SLC15A5: variants seen among roughly 807,000 people sequenced by gnomAD.
SLC15A5 encodes Peptide/histidine transporter ENSP00000340402.
A neutral mutation model predicts 56.1 loss-of-function variants in SLC15A5; 58 were observed. The ratio of observed to expected loss-of-function variants is 1.03; its 90% CI spans 0.84 to 1.29. SLC15A5 has a LOEUF of 1.29. SLC15A5 is among the 50% of genes most tolerant of loss of function. SLC15A5 has a pLI of 0.00. For missense variants in SLC15A5, 681 were observed against 672.1 expected (o/e 1.01, Z -0.15); for synonymous variants, 264 against 250.5 (o/e 1.05, Z -0.51).
chr12:16,214,405 C>G (rs1591644191), intron 7 of SLC15A5, among the ~76,000 whole-genome samples: 1 of 152,188 alleles, frequency 6.6e-6, no homozygotes, highest in South Asian at 2.1e-4. Context: ...TGGAGAGGGC[C>G]CATAGATAAT....
At chr12:16,263,761 G>A (rs563192840) in intron 2 of SLC15A5, among the ~76,000 whole-genome samples, 1 of 152,166 alleles carries the variant, frequency 6.6e-6, no homozygotes, top group Non-Finnish European at 1.5e-5. Flanking sequence ...AAGGGGCCAA[G>A]GTACAGCTCA....
chr12:16,206,446 A>G (rs1417857876), intron 7 of SLC15A5, among the ~76,000 whole-genome samples: 1 of 152,186 alleles, frequency 6.6e-6, no homozygotes, highest in Non-Finnish European at 1.5e-5. Context: ...GTTAATTTTT[A>G]AAACACATTA....
Position 16,271,943 on chromosome 12 carries a change from G to A in SLC15A5, c.584+618C>T, listed in dbSNP as rs1234723594. Among the ~76,000 whole-genome samples the A allele has an allele frequency of 6.6e-6, 1 of 152,100 alleles. No homozygotes were observed. Among genetic ancestry groups the A allele is most frequent in the African/African-American group, 2.4e-5 (1 of 41,420 alleles). ...TCTTTTAGGTGTTGGGAGCGAACTG[G>A]GTGAGAAACAGAGATGCTGGGTGAT... On this transcript the variant is annotated intron_variant, in intron 2 of 8. Coordinates refer to ENST00000344941, the MANE Select transcript of SLC15A5 (RefSeq NM_001170798.1). The surrounding 1 kb of genome is among the most constrained non-coding windows in gnomAD (Gnocchi z 8.0).
intron 3 of SLC15A5, 105 bp from the exon 4 acceptor site, chr12:16,244,905 G>C: frequency 8.0e-7 from 1 of 1,255,652 alleles, no homozygotes; most frequent in Non-Finnish European, 1.1e-6. Context: ...GCAGTGAAGT[G>C]AGAAAGTTTT....
rs143995306 is a variant in SLC15A5, at chr12:16,197,962, T to C, written c.1484-3509A>G. Reference sequence around the variant, plus strand: ...CTTGCAAAGGAGACATAGTGAAGACTTGAGGTCTAGAATGAGGCTAACTAA... The same window carrying C: ...CTTGCAAAGGAGACATAGTGAAGACCTGAGGTCTAGAATGAGGCTAACTAA... On this transcript the variant is annotated intron_variant, in intron 7 of 8. Coordinates refer to ENST00000344941, the MANE Select transcript of SLC15A5 (RefSeq NM_001170798.1). 2.2e-3 allele frequency among the ~76,000 whole-genome samples: 332 copies of C among 152,246 alleles called. 4 individuals carry two copies. Among genetic ancestry groups the C allele is most frequent in the African/African-American group, 7.8e-3 (323 of 41,566 alleles).
intron 2 of SLC15A5, among the ~76,000 whole-genome samples, chr12:16,259,024 C>CTTTTTTTTTTTT (rs5796661): frequency 9.5e-5 from 6 of 63,218 alleles, no homozygotes; most frequent in East Asian, 5.6e-4. Context: ...TCTTTCTTTC[C>CTTTTTTTTTTTT]TTTTTTTTTT....
chr12:16,212,527 C>CTT (rs10656927), intron 7 of SLC15A5, among the ~76,000 whole-genome samples: 28 of 152,176 alleles, frequency 1.8e-4, no homozygotes, highest in Non-Finnish European at 1.6e-4. Context: ...TCCAGAAAAA[C>CTT]GTGAAAAGTC....
chr12:16,263,928 T>A (rs538683035), intron 2 of SLC15A5, among the ~76,000 whole-genome samples: 36 of 152,326 alleles, frequency 2.4e-4, no homozygotes, highest in African/African-American at 8.4e-4. Flanking sequence ...AGAAGTTTGC[T>A]GCAGGGGCAG....
intron 1 of SLC15A5, among the ~76,000 whole-genome samples, chr12:16,276,850 T>C (rs1450250989): frequency 6.6e-6 from 1 of 152,046 alleles, no homozygotes; most frequent in African/African-American, 2.4e-5. Flanking sequence ...AATCATGCCA[T>C]CATATGCAAT....
chr12:16,215,602 TCA>T (rs113920708), intron 7 of SLC15A5, among the ~76,000 whole-genome samples: 1,938 of 152,304 alleles, frequency 0.013, 39 homozygotes, highest in African/African-American at 0.044. Context: ...TTGCTGCCGT[TCA>T]CACAGTTAGC....
chr12:16,226,595 A>G (rs1417299828), intron 5 of SLC15A5, among the ~76,000 whole-genome samples: 1 of 152,184 alleles, frequency 6.6e-6, no homozygotes, highest in East Asian at 1.9e-4. Context: ...TGATTTTCAC[A>G]GAGAAGGTAA....
At chr12:16,239,975 C>CT in intron 4 of SLC15A5, 108 bp from the exon 5 acceptor site, 1 of 998,872 alleles carries the variant, frequency 1.0e-6, no homozygotes, top group Non-Finnish European at 1.4e-6. Flanking sequence ...GATGGATGAG[C>CT]TGGATGTTGC....
chr12:16,193,822 A>AGG (rs1863864990), intron 8 of SLC15A5, among the ~76,000 whole-genome samples: 1 of 89,092 alleles, frequency 1.1e-5, no homozygotes, highest in Admixed American at 1.2e-4. Flanking sequence ...AGAGAGAGAG[A>AGG]GAGAGAGAGA....
intron 7 of SLC15A5, among the ~76,000 whole-genome samples, chr12:16,209,873 T>C (rs918365195): frequency 2.0e-5 from 3 of 152,166 alleles, no homozygotes; most frequent in Admixed American, 2.0e-4. Context: ...AAATTATTCT[T>C]TCTTCCCTCA....
chr12:16,202,803 A>G (rs1408105482), intron 7 of SLC15A5, among the ~76,000 whole-genome samples: 1 of 152,190 alleles, frequency 6.6e-6, no homozygotes, highest in Non-Finnish European at 1.5e-5. Context: ...AAATTCTGTC[A>G]TTTGTGACAA....
In SLC15A5 at chr12:16,244,600, A is replaced by G. The variant is rs1425569349; in HGVS notation, c.955T>C (p.Tyr319His). The G allele has an allele frequency of 5.9e-6, 9 of 1,537,790 alleles. No individual in the cohort carries two copies. The highest frequency in any genetic ancestry group is 2.0e-5 in the Admixed American group (1 of 51,012). Reference protein sequence around the residue: ...LLPLFIFQLLYRMCIMQIPSG... With the variant: ...LLPLFIFQLLHRMCIMQIPSG... ...CTTACCTGCATAATGCACATTCTGT[A>G]TAGGAGCTGAAAAATGAAGAGAGGG... The change falls in exon 4 of 9, where the codon TAC becomes CAC. Residue 319 changes from tyrosine to histidine, a missense_variant. Coordinates refer to ENST00000344941, the MANE Select transcript of SLC15A5 (RefSeq NM_001170798.1).
In SLC15A5 at chr12:16,216,951, A is replaced by G. The variant is rs1864135283; in HGVS notation, c.1425T>C (p.Asn475=). The change falls in exon 7 of 9, where the codon AAT becomes AAC. Residue 475 remains asparagine (N), a synonymous_variant. Coordinates refer to ENST00000344941, the MANE Select transcript of SLC15A5 (RefSeq NM_001170798.1). The stretch of plus-strand genomic sequence containing the variant: ...GTGCCCCTGTGAAACAGCCAAATCC[A>G]TTGAACAGTGTCAGAAAATTCATGG... ...GTSMNFLTLF[N]GFGCFTGALL... is the part of the protein sequence containing the mutation. The G allele has an allele frequency of 6.5e-7, 1 of 1,536,946 alleles. No individual in the cohort carries two copies. The highest frequency in any genetic ancestry group is 8.7e-7 in the Non-Finnish European group (1 of 1,146,666).
intron 6 of SLC15A5, among the ~76,000 whole-genome samples, chr12:16,223,560 T>C (rs1864209606): frequency 6.6e-6 from 1 of 152,220 alleles, no homozygotes; most frequent in East Asian, 1.9e-4. Context: ...AAACTTATTT[T>C]GAACCTGTCT....
At chr12:16,207,922 G>A (rs148894355) in intron 7 of SLC15A5, among the ~76,000 whole-genome samples, 6,683 of 152,168 alleles carry the variant, frequency 0.044, 203 homozygotes, top group African/African-American at 0.071. Context: ...CAAAATGCTG[G>A]GATTACAGGC....
Sources: allele counts gnomAD v4.1 joint callset (sites outside exome capture counted in the v4.1 genomes callset), GRCh38; gene constraint gnomAD v4.1.1; non-coding constraint Gnocchi (gnomAD v3.1); transcripts MANE v1.5; gene names NCBI Gene and HGNC (gene_info 2026-07-23, HGNC 2026-07-21).